TRIO: variants seen among roughly 807,000 people sequenced by gnomAD.
TRIO encodes triple functional domain protein.
TRIO carries 58 observed loss-of-function variants against 351.9 expected under a neutral mutation model. That is an observed-to-expected ratio of 0.16 (90% CI 0.13 to 0.21). TRIO has a LOEUF of 0.21. TRIO is among the 10% of genes least tolerant of loss of function. TRIO has a pLI of 1.00. For synonymous variants in TRIO, 1,758 were observed against 1,595.7 expected, an observed-to-expected ratio of 1.10 and a Z score of -2.42; for missense variants, 3,201 against 4,027.8, an observed-to-expected ratio of 0.79 and a Z score of 5.56.
chr5:14,310,773 C>T (rs1036256289), intron 8 of TRIO, among the ~76,000 whole-genome samples: 4 of 152,236 alleles, frequency 2.6e-5, no homozygotes, highest in South Asian at 2.1e-4. Context: ...GCAACCTCTG[C>T]CTCCTGGGTT....
intron 8 of TRIO, among the ~76,000 whole-genome samples, chr5:14,307,892 A>C (rs1458515471): frequency 6.6e-6 from 1 of 152,226 alleles, no homozygotes; most frequent in East Asian, 1.9e-4. Context: ...TGTTTATATC[A>C]GTATGAAAGT....
chr5:14,492,895 G>C (rs1204289407), intron 49 of TRIO, 81 bp downstream of exon 49: 1 of 1,560,864 alleles, frequency 6.4e-7, no homozygotes, highest in Admixed American at 1.8e-5. Context: ...GACCTCAGAC[G>C]GGGTAAGCAT....
chr5:14,279,929 GC>G (rs1300422170), intron 2 of TRIO, among the ~76,000 whole-genome samples: 2 of 152,222 alleles, frequency 1.3e-5, no homozygotes, highest in African/African-American at 4.8e-5. Context: ...AACTTTGAAT[GC>G]AGGGCAATGG....
chr5:14,330,999 G>T lies in TRIO; in HGVS notation c.1854+99G>T, dbSNP rs1222999399. On this transcript the variant is annotated intron_variant, in intron 10 of 56. Coordinates refer to ENST00000344204, the MANE Select transcript of TRIO (RefSeq NM_007118.4). The stretch of plus-strand genomic sequence containing the variant: ...ATTTGAGATAAGTTAGCATTAGCTC[G>T]ATGTGTTTGACACCTCAGATGAGGT... The T allele has an allele frequency of 7.1e-6, 11 of 1,541,018 alleles. No homozygotes were observed. The East Asian group carries it at 1.1e-4, about 16-fold the overall frequency.
At chr5:14,389,855 A>G (rs1746891317) in intron 25 of TRIO, among the ~76,000 whole-genome samples, 1 of 152,176 alleles carries the variant, frequency 6.6e-6, no homozygotes, top group Non-Finnish European at 1.5e-5. Flanking sequence ...ATTCTCTTTT[A>G]ATATTGTTAA....
chr5:14,347,989 A>G (rs1742589751), intron 11 of TRIO, among the ~76,000 whole-genome samples: 1 of 152,230 alleles, frequency 6.6e-6, no homozygotes, highest in South Asian at 2.1e-4. Context: ...TAATGAAGAA[A>G]TGAGCTTACA....
chr5:14,286,420 G>A lies in TRIO; in HGVS notation c.348-451G>A, dbSNP rs76128078. Among the ~76,000 whole-genome samples the A allele has an allele frequency of 0.078, 11,822 of 152,086 alleles. 525 individuals are homozygous for A. The highest frequency in any genetic ancestry group is 0.083 in the African/African-American group (3,426 of 41,476). ...GCACCTGGGGTGCTGGGAGTCCTGG[G>A]GTAACTGCCGTCCACAGGTCTCAGA... On this transcript the variant is annotated intron_variant, in intron 3 of 56. Transcript: ENST00000344204. This position sits in a 1 kb window ranked among gnomAD's most constrained non-coding sequence, Gnocchi z 4.4.
At chr5:14,382,747 G>A (rs905868044) in intron 21 of TRIO, among the ~76,000 whole-genome samples, 4 of 152,128 alleles carry the variant, frequency 2.6e-5, no homozygotes, top group Non-Finnish European at 5.9e-5. Context: ...TTAGGGGCGT[G>A]TGTGTGTCTG....
chr5:14,185,817 T>C (rs1790074074), intron 1 of TRIO, among the ~76,000 whole-genome samples: 1 of 152,152 alleles, frequency 6.6e-6, no homozygotes, highest in South Asian at 2.1e-4. Flanking sequence ...TCTCAGATCT[T>C]ACCCAGGGAT....
intron 8 of TRIO, among the ~76,000 whole-genome samples, chr5:14,315,674 C>T (rs189566): frequency 0.045 from 6,898 of 152,290 alleles, 553 homozygotes; most frequent in African/African-American, 0.16. Flanking sequence ...GCATCTCACA[C>T]ACACTTTGTG....
chr5:14,320,893 T>A (rs1443872065), intron 9 of TRIO, among the ~76,000 whole-genome samples: 1 of 152,226 alleles, frequency 6.6e-6, no homozygotes, highest in African/African-American at 2.4e-5. Context: ...TAAATTTGAA[T>A]CCTCCTTGTC....
intron 34 of TRIO, among the ~76,000 whole-genome samples, chr5:14,424,380 C>A (rs1750461064): frequency 6.6e-6 from 1 of 152,040 alleles, no homozygotes; most frequent in Non-Finnish European, 1.5e-5. Context: ...AAGGCATTCA[C>A]AATTTTAAAG....
chr5:14,288,527 C>T (rs543330964), intron 4 of TRIO, among the ~76,000 whole-genome samples: 169 of 152,150 alleles, frequency 1.1e-3, no homozygotes, highest in Non-Finnish European at 2.1e-3. Context: ...ATTAGCCGGG[C>T]GTGGTGGCAG....
At chr5:14,173,417 G>C (rs1361715578) in intron 1 of TRIO, among the ~76,000 whole-genome samples, 2 of 151,818 alleles carry the variant, frequency 1.3e-5, no homozygotes, top group Non-Finnish European at 2.9e-5. Flanking sequence ...TCACCATGTT[G>C]GTCAGGCTCG....
chr5:14,495,712 T>C (rs943104601), intron 49 of TRIO, among the ~76,000 whole-genome samples: 1 of 142,066 alleles, frequency 7.0e-6, no homozygotes, highest in African/African-American at 2.7e-5. Context: ...CTCACGCCTG[T>C]AATCCCAGCA....
chr5:14,144,093 C>T (rs1581222235), intron 1 of TRIO, among the ~76,000 whole-genome samples: 2 of 152,136 alleles, frequency 1.3e-5, no homozygotes, highest in Non-Finnish European at 2.9e-5. Flanking sequence ...GCCGGGCGCG[C>T]GGCAGCTTGG....
chr5:14,437,672 A>G (rs935829103), intron 34 of TRIO, among the ~76,000 whole-genome samples: 2 of 142,700 alleles, frequency 1.4e-5, no homozygotes, highest in Middle Eastern at 3.5e-3. Context: ...CACCAGGCAT[A>G]TTGGATGAGG....
chr5:14,430,510 T>C (rs1046506334), intron 34 of TRIO, among the ~76,000 whole-genome samples: 4 of 152,148 alleles, frequency 2.6e-5, no homozygotes, highest in African/African-American at 9.7e-5. Flanking sequence ...TGGTGCCCCA[T>C]ACGCCTTCCA....
At chr5:14,201,036 T>G (rs1791074594) in intron 1 of TRIO, among the ~76,000 whole-genome samples, 1 of 152,198 alleles carries the variant, frequency 6.6e-6, no homozygotes, top group Non-Finnish European at 1.5e-5. Context: ...GACAGGCAGT[T>G]CACCTGAGGT....
Sources: gnomAD v4.1 joint callset for allele counts (sites outside exome capture counted in the v4.1 genomes callset) on GRCh38, gnomAD v4.1.1 for gene constraint, Gnocchi (gnomAD v3.1) non-coding constraint, MANE v1.5 for transcripts, NCBI Gene and HGNC (gene_info 2026-07-23, HGNC 2026-07-21) for gene names.